Variants in JMY observed in about 807,000 individuals in gnomAD.
JMY encodes the protein junction-mediating and -regulatory protein.
In JMY, 46 loss-of-function variants were observed where a neutral mutation model predicts 103.3. The ratio of observed to expected loss-of-function variants is 0.45; its 90% confidence interval spans 0.35 to 0.57. The LOEUF is 0.57. JMY is among the 20% of genes least tolerant of loss of function. The pLI, the probability that JMY is intolerant of heterozygous loss-of-function variation, is 0.00. For synonymous variants in JMY, 526 were observed against 489.3 expected (o/e 1.07, Z -0.99); for missense variants, 1,238 against 1,255.2 (o/e 0.99, Z 0.21).
At chr5:79,308,092 TTCTTCATATA>T (rs768726485) in intron 7 of JMY, among the ~76,000 whole-genome samples, 11 of 152,092 alleles carry the variant, frequency 7.2e-5, no homozygotes, top group Non-Finnish European at 1.0e-4. Flanking sequence ...GTTTTAGGAG[TTCTTCATATA>T]TTTTGGCTTA....
At chr5:79,253,125 A>G (rs529139169) in intron 1 of JMY, among the ~76,000 whole-genome samples, 20 of 152,122 alleles carry the variant, frequency 1.3e-4, no homozygotes, top group African/African-American at 2.9e-4. Context: ...TGCAAATACT[A>G]TCTCATGACC....
intron 1 of JMY, among the ~76,000 whole-genome samples, chr5:79,250,635 T>C (rs967297788): frequency 1.3e-4 from 19 of 148,654 alleles, no homozygotes; most frequent in African/African-American, 4.8e-4. Context: ...TATTTTTTAA[T>C]TTTTAATTAT....
chr5:79,300,275 A>G lies in JMY; in HGVS notation c.1650A>G (p.Leu550=). 1 of 1,593,308 alleles carries G rather than the reference A, an allele frequency of 6.3e-7. No individual in the cohort carries two copies. Among genetic ancestry groups the G allele is most frequent in the Non-Finnish European group, 8.5e-7 (1 of 1,171,774 alleles). ...TTGAAATCTTGAAGTGTGAAGAGTT[A>G]CTATTGACAGCGCAACTAGAAAGCA... is the stretch of plus-strand genomic sequence containing the variant. The part of the protein sequence containing the change: ...VQFEILKCEE[L]LLTAQLESIK... Residue 550 remains leucine, a synonymous_variant, in exon 5 of 11, where the codon TTA becomes TTG. Transcript: ENST00000396137.
At position 79,300,797 on chromosome 5, in the gene JMY, A is replaced by G. The variant is rs542140622; in HGVS notation, c.1815A>G (p.Lys605=). ...AAGAGCTGCAGAAACTTCAGCAGAAAGCACGCCAGCTGGAAGCAAGACGTG... is the reference window on the plus strand; with the variant it reads ...AAGAGCTGCAGAAACTTCAGCAGAAGGCACGCCAGCTGGAAGCAAGACGTG... ...QREELQKLQQ[K]ARQLEARRGR... The change falls in exon 6 of 11, where the codon AAA becomes AAG. Residue 605 remains lysine (K), a synonymous_variant. Transcript: ENST00000396137. 1 of 1,611,572 alleles carries G rather than the reference A, an allele frequency of 6.2e-7. No individual in the cohort carries two copies. Among genetic ancestry groups the G allele is most frequent in the South Asian group, 1.1e-5 (1 of 90,438 alleles).
intron 10 of JMY, among the ~76,000 whole-genome samples, chr5:79,318,696 C>G (rs996424086): frequency 6.8e-6 from 1 of 147,060 alleles, no homozygotes; most frequent in South Asian, 2.2e-4. Context: ...AAAGTAACTT[C>G]GAGTTATTTT....
chr5:79,279,379 A>AT (rs1746044026), intron 2 of JMY, among the ~76,000 whole-genome samples: 1 of 152,284 alleles, frequency 6.6e-6, no homozygotes, highest in Admixed American at 6.5e-5. Flanking sequence ...GTGAAAAAGC[A>AT]TTTTTTGAGG....
At chr5:79,303,734 A>G (rs1746804717) in intron 6 of JMY, among the ~76,000 whole-genome samples, 2 of 152,226 alleles carry the variant, frequency 1.3e-5, no homozygotes, top group African/African-American at 2.4e-5. Context: ...CAGGATGGTC[A>G]GTAGGCTCAG....
At chr5:79,319,628 C>G (rs1009932190) in intron 10 of JMY, among the ~76,000 whole-genome samples, 1 of 151,444 alleles carries the variant, frequency 6.6e-6, no homozygotes, top group Non-Finnish European at 1.5e-5. Context: ...GTTGCCCAAG[C>G]TGGAGTGCAG....
intron 1 of JMY, among the ~76,000 whole-genome samples, chr5:79,267,735 C>T (rs79032535): frequency 0.014 from 2,115 of 152,244 alleles, 20 homozygotes; most frequent in Middle Eastern, 0.037. Context: ...TTTTTCTTGC[C>T]GAACATTTCA....
chr5:79,316,348 A>T, intron 10 of JMY, 38 bp downstream of exon 10: 1 of 1,471,668 alleles, frequency 6.8e-7, no homozygotes, highest in Non-Finnish European at 9.3e-7. Context: ...ATTCAGTAAT[A>T]CAGGTTTTAT....
At chr5:79,283,342 A>G (rs551047361) in intron 2 of JMY, among the ~76,000 whole-genome samples, 3 of 152,216 alleles carry the variant, frequency 2.0e-5, no homozygotes, top group Non-Finnish European at 4.4e-5. Context: ...TAAAGTAGTT[A>G]ACCAAATAAT....
At chr5:79,284,593 C>T (rs958066620) in intron 2 of JMY, 1 of 1,537,428 alleles carries the variant, frequency 6.5e-7, no homozygotes, top group Admixed American at 1.7e-5. Flanking sequence ...CCATGGAACA[C>T]ATTTTGTCAC....
intron 4 of JMY, among the ~76,000 whole-genome samples, chr5:79,295,633 G>C (rs1159985593): frequency 1.3e-5 from 2 of 152,124 alleles, no homozygotes; most frequent in African/African-American, 2.4e-5. Flanking sequence ...AACATTTCAG[G>C]GTTCACAAAG....
intron 8 of JMY, among the ~76,000 whole-genome samples, chr5:79,313,841 A>G (rs1337801832): frequency 6.6e-6 from 1 of 152,202 alleles, no homozygotes; most frequent in Non-Finnish European, 1.5e-5. Context: ...TATAACTTTA[A>G]GGGTGAAATA....
At chr5:79,299,467 A>G (rs1238892224) in intron 4 of JMY, among the ~76,000 whole-genome samples, 2 of 152,068 alleles carry the variant, frequency 1.3e-5, no homozygotes, top group Non-Finnish European at 2.9e-5. Context: ...TTCCCACTCC[A>G]GCACCGAGAA....
intron 2 of JMY, among the ~76,000 whole-genome samples, chr5:79,289,103 C>T (rs1028724356): frequency 3.3e-5 from 5 of 151,670 alleles, no homozygotes; most frequent in African/African-American, 4.8e-5. Context: ...AGTGTGGTGG[C>T]GGGCATCTGT....
Position 79,236,372 on chromosome 5 carries a change from C to T in JMY, c.-279C>T, listed in dbSNP as rs1044782138. On this transcript the variant is annotated 5_prime_UTR_variant, in exon 1 of 11. Coordinates refer to ENST00000396137, the MANE Select transcript of JMY (RefSeq NM_152405.5). ...GGGGGCGGCGGGCGGCCGCGAGGCG[C>T]TGCGGCAGCGCGGAGCTTGTAAACA... 2.2e-5 allele frequency: 6 copies of T among 274,088 alleles called. No individual in the cohort carries two copies. The highest frequency in any genetic ancestry group is 1.3e-4 in the African/African-American group (6 of 45,268). 17.0% of individuals were successfully genotyped at this position (274,088 alleles called of 1,614,324 possible).
chr5:79,318,207 G>T (rs1310709017), intron 10 of JMY, among the ~76,000 whole-genome samples: 1 of 151,030 alleles, frequency 6.6e-6, no homozygotes, highest in African/African-American at 2.4e-5. Flanking sequence ...TAGAGATAGG[G>T]TTTCACCATC....
intron 10 of JMY, among the ~76,000 whole-genome samples, chr5:79,318,569 T>C (rs1040026046): frequency 1.3e-5 from 2 of 152,110 alleles, no homozygotes; most frequent in African/African-American, 4.8e-5. Flanking sequence ...AAAAGGGTAA[T>C]ATTACATTCA....
Sources: allele counts gnomAD v4.1 joint callset (sites outside exome capture counted in the v4.1 genomes callset), GRCh38; gene constraint gnomAD v4.1.1; transcripts MANE v1.5; gene names NCBI Gene and HGNC (gene_info 2026-07-23, HGNC 2026-07-21).